Variants in KALRN observed in about 807,000 individuals in gnomAD.
KALRN encodes kalirin.
KALRN carries 70 observed loss-of-function variants against 353.7 expected under a neutral mutation model. The observed-to-expected ratio is 0.20, with a 90% CI of 0.16 to 0.24. The LOEUF (loss-of-function observed/expected upper bound fraction) is 0.24, where lower values mean the gene tolerates loss of function less well. Among genes scored for constraint, KALRN ranks in the 10% least tolerant of loss-of-function variants. The pLI, the probability that KALRN is intolerant of heterozygous loss-of-function variation, is 1.00. For missense variants in KALRN, 2,791 were observed against 3,756.7 expected, an observed-to-expected ratio of 0.74 and a Z score of 6.72; for synonymous variants, 1,391 against 1,434.8, an observed-to-expected ratio of 0.97 and a Z score of 0.69.
At chr3:124,140,746 C>T (rs1219156639) in intron 1 of KALRN, among the ~76,000 whole-genome samples, 1 of 152,154 alleles carries the variant, frequency 6.6e-6, no homozygotes, top group Non-Finnish European at 1.5e-5. Context: ...TGACTTCTTT[C>T]ACCAGAGCAT....
intron 25 of KALRN, among the ~76,000 whole-genome samples, chr3:124,474,041 G>C (rs1190399829): frequency 1.3e-5 from 2 of 152,090 alleles, no homozygotes; most frequent in Non-Finnish European, 2.9e-5. Flanking sequence ...TATTAACGTG[G>C]AAAGGAGCCA....
chr3:124,163,649 TA>T (rs2070363519), intron 1 of KALRN: 2 of 984,486 alleles, frequency 2.0e-6, no homozygotes, highest in Non-Finnish European at 2.4e-6. Flanking sequence ...GAAGAAAGGC[TA>T]TAAAGGTAGA....
chr3:124,434,308 C>T lies in KALRN; in HGVS notation c.2831C>T (p.Ser944Phe). The T allele has an allele frequency of 6.2e-7, 1 of 1,612,236 alleles. No homozygotes were observed. The highest frequency in any genetic ancestry group is 8.5e-7 in the Non-Finnish European group (1 of 1,179,866). The change falls in exon 17 of 60, where the codon TCC (serine) becomes TTC (phenylalanine). Residue 944 changes from serine to phenylalanine, a missense_variant and splice_region_variant. Around this residue, in one of 11 missense-constraint regions of KALRN, gnomAD observed 452 missense variants for 575.8 expected, o/e 0.78. Transcript: ENST00000682506. ...TTTCTCTCCTCTCCTTGTGCCCAGT[C>T]CCTCTTTCATGCCACTTCCTTGCAG... ...EHEQFQLAIE[S>F]LFHATSLQKT...
chr3:124,314,501 A>T (rs564822842), intron 6 of KALRN, among the ~76,000 whole-genome samples: 18 of 151,940 alleles, frequency 1.2e-4, no homozygotes, highest in Admixed American at 6.6e-4. Context: ...AAGTATATTT[A>T]AAAAAAAAGA....
intron 1 of KALRN, among the ~76,000 whole-genome samples, chr3:124,213,394 C>T (rs2077054874): frequency 6.6e-6 from 1 of 152,060 alleles, no homozygotes; most frequent in Admixed American, 6.6e-5. Context: ...ATGTTTCAGG[C>T]TCCATTGATT....
Position 124,632,702 on chromosome 3 carries a change from A to C in KALRN, c.5465A>C (p.Glu1822Ala). The C allele has an allele frequency of 6.2e-7, 1 of 1,612,744 alleles. No homozygotes were observed. ...ACCCCTCAGGGAGACAGCGCTGATG[A>C]GGTACTTACAGGGGGCCCTGGAGTT... is the stretch of plus-strand genomic sequence containing the variant. ...ETTPQGDSAD[E>A]SKKGWGEDEP... Residue 1822 changes from glutamate (E) to alanine (A), a missense_variant and splice_region_variant, in exon 35 of 60, where the codon GAG becomes GCG. By Grantham distance (107) the Glu-to-Ala change is moderately radical (BLOSUM62 -1). Coordinates refer to ENST00000682506, the MANE Select transcript of KALRN (RefSeq NM_001388419.1).
chr3:124,040,802 C>T (rs1487763686), intron 1 of KALRN, among the ~76,000 whole-genome samples: 1 of 152,026 alleles, frequency 6.6e-6, no homozygotes, highest in Non-Finnish European at 1.5e-5. Flanking sequence ...CCTAGTTATC[C>T]CTGTTGTTCC....
intron 1 of KALRN, among the ~76,000 whole-genome samples, chr3:124,097,075 T>C (rs1373045975): frequency 6.6e-6 from 1 of 152,244 alleles, no homozygotes; most frequent in Non-Finnish European, 1.5e-5. Context: ...GGGTGTTGAT[T>C]ATGTTGCCCA....
At chr3:124,403,958 C>T (rs942790066) in intron 13 of KALRN, among the ~76,000 whole-genome samples, 1 of 152,062 alleles carries the variant, frequency 6.6e-6, no homozygotes, top group Non-Finnish European at 1.5e-5. Flanking sequence ...TGAGGTTACA[C>T]CTGAGGGCAG....
chr3:124,239,204 A>G (rs559710322), intron 3 of KALRN, among the ~76,000 whole-genome samples: 67 of 152,354 alleles, frequency 4.4e-4, no homozygotes, highest in African/African-American at 1.5e-3. Context: ...ATTGAAAGAC[A>G]GGATAGAAAA....
chr3:124,404,648 G>GT (rs2091300833), intron 13 of KALRN, among the ~76,000 whole-genome samples: 1 of 141,378 alleles, frequency 7.1e-6, no homozygotes, highest in Non-Finnish European at 1.5e-5. Context: ...CTCAAATTTA[G>GT]TCTTTTTCTT....
At chr3:124,238,865 T>G (rs1321467159) in intron 3 of KALRN, among the ~76,000 whole-genome samples, 13 of 152,196 alleles carry the variant, frequency 8.5e-5, no homozygotes, top group Admixed American at 8.5e-4. Flanking sequence ...CTGATGAGTT[T>G]GGGCATCTAT....
chr3:124,158,737 G>A (rs1483884223), intron 1 of KALRN, among the ~76,000 whole-genome samples: 1 of 152,208 alleles, frequency 6.6e-6, no homozygotes, highest in Non-Finnish European at 1.5e-5. Flanking sequence ...GAGTCTGACG[G>A]AAGATTACGG....
intron 24 of KALRN, 24 bp downstream of exon 24, chr3:124,461,980 A>G: frequency 6.4e-7 from 1 of 1,562,852 alleles, no homozygotes; most frequent in South Asian, 1.1e-5. Flanking sequence ...TAATCCGTTC[A>G]CAGCTATATT....
chr3:124,593,525 A>C (rs2076003728), intron 34 of KALRN, among the ~76,000 whole-genome samples: 1 of 152,034 alleles, frequency 6.6e-6, no homozygotes, highest in Admixed American at 6.6e-5. Context: ...GAAAAGGTAG[A>C]TTTCCTCTCA....
intron 38 of KALRN, among the ~76,000 whole-genome samples, chr3:124,653,031 C>T (rs1379894078): frequency 1.3e-5 from 2 of 152,236 alleles, no homozygotes; most frequent in Non-Finnish European, 2.9e-5. Flanking sequence ...ATCCACACCT[C>T]TTCACATCCT....
At chr3:124,060,896 T>C (rs2041946130) in intron 1 of KALRN, among the ~76,000 whole-genome samples, 1 of 152,146 alleles carries the variant, frequency 6.6e-6, no homozygotes, top group Admixed American at 6.5e-5. Flanking sequence ...GCCCCAGTGG[T>C]TGGGGGAATG....
chr3:124,241,885 G>T (rs2080487888), intron 3 of KALRN, among the ~76,000 whole-genome samples: 1 of 152,196 alleles, frequency 6.6e-6, no homozygotes, highest in South Asian at 2.1e-4. Flanking sequence ...GGGTAGGAAT[G>T]GGCCAGTCAG....
chr3:124,650,565 T>C (rs1214989228), intron 37 of KALRN, among the ~76,000 whole-genome samples: 1 of 152,220 alleles, frequency 6.6e-6, no homozygotes, highest in Non-Finnish European at 1.5e-5. Flanking sequence ...AATTTCATTA[T>C]GTCTGGGAAA....
Sources: gnomAD v4.1 joint callset for allele counts (sites outside exome capture counted in the v4.1 genomes callset) on GRCh38, gnomAD v4.1.1 for gene constraint, gnomAD v4.1.1 regional missense constraint, MANE v1.5 for transcripts, NCBI Gene and HGNC (gene_info 2026-07-23, HGNC 2026-07-21) for gene names.